Variants in SIKE1 observed in about 807,000 individuals in gnomAD.
SIKE1 encodes suppressor of IKK epsilon.
A neutral mutation model predicts 25.8 loss-of-function variants in SIKE1; 13 were observed. That is an observed-to-expected ratio of 0.50 (90% CI 0.33 to 0.80). The LOEUF (loss-of-function observed/expected upper bound fraction) is 0.80. SIKE1 is among the 30% of genes least tolerant of loss of function. The pLI is 0.02. For missense variants in SIKE1, 222 were observed against 252.4 expected, an observed-to-expected ratio of 0.88 and a Z score of 0.82; for synonymous variants, 86 against 95.5, an observed-to-expected ratio of 0.90 and a Z score of 0.58.
chr1:114,776,523 A>G (rs567233261), intron 3 of SIKE1, 64 bp from the exon 4 acceptor site: 2 of 1,028,044 alleles, frequency 1.9e-6, no homozygotes, highest in East Asian at 5.0e-5. Context: ...AAAGAACGTA[A>G]AAGCATGTGC....
chr1:114,774,155 C>G lies in SIKE1; in HGVS notation c.*116G>C. ...TGGAATTCTAAATTGCCACCTGATA[C>G]CTTTAATTAAGATTAAATCAAATCT... is the stretch of plus-strand genomic sequence containing the variant. On this transcript the variant is annotated 3_prime_UTR_variant, in exon 5 of 5. Transcript: ENST00000060969. 1 of 738,386 alleles carries G rather than the reference C, an allele frequency of 1.4e-6. No homozygotes were observed. The highest frequency in any genetic ancestry group is 2.2e-6 in the Non-Finnish European group (1 of 458,690). 45.7% of individuals were successfully genotyped at this position (738,386 alleles called of 1,614,324 possible). A position where few individuals can be genotyped will look rare whatever the true frequency, so the allele number is the denominator to read the frequency against.
intron 4 of SIKE1, among the ~76,000 whole-genome samples, chr1:114,774,699 A>C (rs1019250436): frequency 1.3e-5 from 2 of 152,222 alleles, no homozygotes; most frequent in African/African-American, 2.4e-5. Flanking sequence ...CTTGGTTCCC[A>C]CAGTTTTACT....
intron 4 of SIKE1, 112 bp downstream of exon 4, chr1:114,776,234 T>A (rs1010637103): frequency 2.9e-6 from 2 of 701,732 alleles, no homozygotes; most frequent in African/African-American, 1.8e-5. Context: ...TAATTTTAAA[T>A]CATGAGCACA....
chr1:114,770,004 G>A lies in SIKE1; in HGVS notation c.*4267C>T, dbSNP rs945795607. On this transcript the variant is annotated 3_prime_UTR_variant, in exon 5 of 5. Transcript: ENST00000060969. ...AACTATGCTTATTTTATCAAGCAGAGTTCTTGGTTTTAGGCAATTCAGGTT... is the reference window on the plus strand; with the variant it reads ...AACTATGCTTATTTTATCAAGCAGAATTCTTGGTTTTAGGCAATTCAGGTT... 1 of 152,164 alleles carries A rather than the reference G, an allele frequency of 6.6e-6. No individual in the cohort carries two copies. Among genetic ancestry groups the A allele is most frequent in the African/African-American group, 2.4e-5 (1 of 41,430 alleles). The allele number at this position is 152,164 out of a possible 1,614,324, so 9.4% of individuals were successfully genotyped here.
At chr1:114,777,404 C>T (rs553934354) in intron 3 of SIKE1, among the ~76,000 whole-genome samples, 25 of 152,220 alleles carry the variant, frequency 1.6e-4, no homozygotes, top group South Asian at 8.3e-4. Flanking sequence ...TTTCTGTTTT[C>T]GCTCTTTGCC....
chr1:114,778,863 C>T (rs1472453213), intron 3 of SIKE1: 3 of 408,874 alleles, frequency 7.3e-6, no homozygotes, highest in Non-Finnish European at 1.3e-5. Context: ...TCATCTCTAC[C>T]AAAAAACAAA....
In SIKE1 at chr1:114,776,368, T is replaced by C; in HGVS notation, c.500A>G (p.Gln167Arg). The C allele has an allele frequency of 1.9e-6, 3 of 1,612,546 alleles. No homozygotes were observed. In the South Asian group the frequency reaches 3.3e-5, roughly 18 times the overall value. ...TACCTCTAATTGGGCTAATTTTTCC[T>C]GAATCTTACAAAACTGGTCATCATC... The part of the protein sequence containing the change: ...QVDDDQFCKI[Q>R]EKLAQLELEN... Residue 167 changes from glutamine (Q) to arginine (R), a missense_variant, in exon 4 of 5, where the codon CAG becomes CGG. By Grantham distance (43) the Gln-to-Arg change is conservative (BLOSUM62 1). Transcript: ENST00000060969.
chr1:114,780,458 A>G lies in SIKE1; in HGVS notation c.150T>C (p.Leu50=). The G allele has an allele frequency of 6.2e-7, 1 of 1,612,982 alleles. No individual in the cohort carries two copies. The highest frequency in any genetic ancestry group is 8.5e-7 in the Non-Finnish European group (1 of 1,180,018). The change falls in exon 1 of 5, where the codon CTT becomes CTC. Residue 50 remains leucine (L), a synonymous_variant. Transcript: ENST00000060969. The part of the protein sequence containing the change: ...VAAMREAGTA[L]PDQYQEDASD... ...CTACCCTCTGCCTGACCTGGTCCGG[A>G]AGCGCTGTCCCCGCCTCCCGCATAG... is the stretch of plus-strand genomic sequence containing the variant.
In SIKE1 at chr1:114,774,213, G is replaced by A. The variant is rs1199473293; in HGVS notation, c.*58C>T. 1.5e-6 allele frequency: 2 copies of A among 1,324,512 alleles called. No individual in the cohort carries two copies. Among genetic ancestry groups the A allele is most frequent in the Non-Finnish European group, 2.2e-6 (2 of 922,806 alleles). 82.0% of individuals were successfully genotyped at this position (1,324,512 alleles called of 1,614,324 possible). A position where few individuals can be genotyped will look rare whatever the true frequency, so the allele number is the denominator to read the frequency against. On this transcript the variant is annotated 3_prime_UTR_variant, in exon 5 of 5. Transcript: ENST00000060969. ...GACACTTAATGGACAGTACTTGAAT[G>A]GGAAGACAGTAACTTCCTTCCTTGA...
rs554800782 is a variant in SIKE1 at position 114,769,485 on chromosome 1, T to A, written c.*4786A>T. On this transcript the variant is annotated 3_prime_UTR_variant, in exon 5 of 5. Coordinates refer to ENST00000060969, the MANE Select transcript of SIKE1 (RefSeq NM_025073.3). ...AGTAAAATATTAGCAAGGATTTTTT[T>A]AAAAAATGTATAATTTATTATATAT... 3.0e-3 allele frequency: 458 copies of A among 152,246 alleles called. 2 individuals are homozygous for A. The highest frequency in any genetic ancestry group is 9.7e-3 in the African/African-American group (403 of 41,554). The allele number at this position is 152,246 out of a possible 1,614,324, so 9.4% of individuals were successfully genotyped here. A position where few individuals can be genotyped will look rare whatever the true frequency, so the allele number is the denominator to read the frequency against.
intron 1 of SIKE1, 75 bp from the exon 2 acceptor site, chr1:114,780,290 G>A (rs1167264602): frequency 1.9e-6 from 3 of 1,548,266 alleles, no homozygotes; most frequent in Non-Finnish European, 2.7e-6. Flanking sequence ...CAGAAGTTAG[G>A]GCTCCAGGGC....
In SIKE1 at chr1:114,780,488, T is replaced by C. The variant is rs1382524714; in HGVS notation, c.120A>G (p.Val40=). ...VDQSAALHRR[V]AAMREAGTAL... ...CTGTCCCCGCCTCCCGCATAGCTGC[T>C]ACCCGCCGGTGCAGCGCCGCCGACT... Residue 40 remains valine (V), a synonymous_variant, in exon 1 of 5, where the codon GTA becomes GTG. Transcript: ENST00000060969. The C allele has an allele frequency of 1.2e-6, 2 of 1,613,264 alleles. No individual in the cohort carries two copies. The highest frequency in any genetic ancestry group is 1.8e-4 in the Middle Eastern group (1 of 5,570).
chr1:114,779,350 C>T (rs1190882516), intron 2 of SIKE1, 66 bp from the exon 3 acceptor site: 7 of 1,536,044 alleles, frequency 4.6e-6, no homozygotes, highest in African/African-American at 2.8e-5. Flanking sequence ...AAAGTCTTAA[C>T]AGTTGGAATT....
intron 3 of SIKE1, among the ~76,000 whole-genome samples, chr1:114,778,251 T>C (rs1385678778): frequency 6.6e-6 from 1 of 152,180 alleles, no homozygotes; most frequent in Non-Finnish European, 1.5e-5. Context: ...GAAGCACCTA[T>C]AAACATAAGA....
In SIKE1 at chr1:114,772,351, A is replaced by G. The variant is rs1420227719; in HGVS notation, c.*1920T>C. 1 of 152,212 alleles carries G rather than the reference A, an allele frequency of 6.6e-6. No homozygotes were observed. The highest frequency in any genetic ancestry group is 1.5e-5 in the Non-Finnish European group (1 of 68,024). 9.4% of individuals were successfully genotyped at this position (152,212 alleles called of 1,614,324 possible). A position where few individuals can be genotyped will look rare whatever the true frequency, so the allele number is the denominator to read the frequency against. ...TTAAAATCCACTTAAAATGAAGAGC[A>G]TTCCTCCCCGACTCAATTTTCTAAC... On this transcript the variant is annotated 3_prime_UTR_variant, in exon 5 of 5. Transcript: ENST00000060969.
At chr1:114,777,495 A>C (rs1452035287) in intron 3 of SIKE1, among the ~76,000 whole-genome samples, 1 of 152,172 alleles carries the variant, frequency 6.6e-6, no homozygotes, top group Non-Finnish European at 1.5e-5. Flanking sequence ...GAACATGGGG[A>C]ATTTTAAAAT....
intron 2 of SIKE1, among the ~76,000 whole-genome samples, chr1:114,779,779 AAATCTTACCTTC>A (rs1662348960): frequency 6.6e-6 from 1 of 152,250 alleles, no homozygotes; most frequent in African/African-American, 2.4e-5. Context: ...ACAAAACCTT[AAATCTTACCTTC>A]AGTGTTTATA....
rs1405934600 is a variant in SIKE1 at position 114,780,525 on chromosome 1, G to A, written c.83C>T (p.Ser28Leu). 7 of 1,613,450 alleles carry A rather than the reference G, an allele frequency of 4.3e-6. No individual in the cohort carries two copies. In the Admixed American group the frequency reaches 1.0e-4, roughly 23 times the overall value. ...CAGCGCCGCCGACTGATCCACCAGC[G>A]ACTCGGCGGCCGCATCGTGCTCCCG... ...RLREHDAAAE[S>L]LVDQSAALHR... The change falls in exon 1 of 5, where the codon TCG becomes TTG. Residue 28 changes from serine (S) to leucine (L), a missense_variant. By Grantham distance (145) the Ser-to-Leu change is moderately radical. Transcript: ENST00000060969.
chr1:114,769,821 T>C lies in SIKE1; in HGVS notation c.*4450A>G, dbSNP rs553493494. On this transcript the variant is annotated 3_prime_UTR_variant, in exon 5 of 5. Coordinates refer to ENST00000060969, the MANE Select transcript of SIKE1 (RefSeq NM_025073.3). ...CAAATAGATAAAATACAAGCACTCA[T>C]AATGTTATTCTTAAGTTAGGTGATG... 6.6e-5 allele frequency: 10 copies of C among 152,324 alleles called. No homozygotes were observed. In the East Asian group the frequency reaches 1.2e-3, roughly 18 times the overall value. The allele number at this position is 152,324 out of a possible 1,614,324, so 9.4% of individuals were successfully genotyped here. A position where few individuals can be genotyped will look rare whatever the true frequency, so the allele number is the denominator to read the frequency against.
Sources: allele counts gnomAD v4.1 joint callset (sites outside exome capture counted in the v4.1 genomes callset), GRCh38; gene constraint gnomAD v4.1.1; transcripts MANE v1.5; gene names NCBI Gene and HGNC (gene_info 2026-07-23, HGNC 2026-07-21).